The following CNTN4 variants were observed in gnomAD, a reference collection of about 807,000 sequenced individuals.
The protein encoded by CNTN4 is contactin-4.
Under a neutral mutation model 122.5 loss-of-function variants are expected in CNTN4, and 77 were observed. The ratio of observed to expected loss-of-function variants is 0.63; its 90% confidence interval spans 0.52 to 0.76. The LOEUF is 0.76. Among genes scored for constraint, CNTN4 ranks in the 30% least tolerant of loss-of-function variants. CNTN4 has a pLI of 0.00. For missense variants in CNTN4, 1,256 were observed against 1,259.1 expected (o/e 1.00, Z 0.04); for synonymous variants, 512 against 447.0 (o/e 1.15, Z -1.83).
chr3:2,659,942 C>T (rs920274644), intron 4 of CNTN4, among the ~76,000 whole-genome samples: 1 of 152,208 alleles, frequency 6.6e-6, no homozygotes, highest in African/African-American at 2.4e-5. Flanking sequence ...TGAACAGCTT[C>T]ATTTTCTCAC....
chr3:2,590,913 A>G (rs2080439439), intron 4 of CNTN4, among the ~76,000 whole-genome samples: 1 of 152,156 alleles, frequency 6.6e-6, no homozygotes, highest in Non-Finnish European at 1.5e-5. Context: ...CATGCAATAA[A>G]CTATAAAAAT....
chr3:2,338,148 T>G (rs1228307065), intron 2 of CNTN4, among the ~76,000 whole-genome samples: 1 of 152,078 alleles, frequency 6.6e-6, no homozygotes. Flanking sequence ...ATGAGAAAGG[T>G]CAGGGATTAT....
intron 2 of CNTN4, among the ~76,000 whole-genome samples, chr3:2,186,325 T>A (rs952633558): frequency 1.3e-5 from 2 of 152,196 alleles, no homozygotes; most frequent in Non-Finnish European, 2.9e-5. Flanking sequence ...TAATCCAGTC[T>A]ATCATTGATG....
chr3:2,566,821 C>T (rs556938476), intron 3 of CNTN4, among the ~76,000 whole-genome samples: 12 of 152,238 alleles, frequency 7.9e-5, no homozygotes, highest in South Asian at 2.1e-4. Flanking sequence ...ACTCAGTGTG[C>T]GTGAATCCGT....
intron 4 of CNTN4, among the ~76,000 whole-genome samples, chr3:2,629,287 G>A (rs568141737): frequency 8.5e-5 from 13 of 152,278 alleles, no homozygotes; most frequent in Admixed American, 6.5e-4. Context: ...CAATCCTGTT[G>A]GCACCTCAGT....
chr3:2,719,076 A>C (rs2087676235), intron 4 of CNTN4, among the ~76,000 whole-genome samples: 1 of 152,232 alleles, frequency 6.6e-6, no homozygotes, highest in Admixed American at 6.5e-5. Flanking sequence ...TTAAAAATTC[A>C]GTTACTAACC....
chr3:2,312,881 A>G lies in CNTN4; in HGVS notation c.-144-26297A>G, dbSNP rs1474433934. 3.3e-5 allele frequency among the ~76,000 whole-genome samples: 5 copies of G among 152,024 alleles called. No homozygotes were observed. The East Asian group carries it at 7.7e-4, about 23-fold the overall frequency. On this transcript the variant is annotated intron_variant, in intron 2 of 24. Transcript: ENST00000418658. ...TGGATGTGTGCTGTTCGTTGCTATG[A>G]TAGGAAATAACATTGAAAACTGGAG...
intron 4 of CNTN4, among the ~76,000 whole-genome samples, chr3:2,635,391 C>T (rs923910628): frequency 6.6e-6 from 1 of 152,158 alleles, no homozygotes; most frequent in Non-Finnish European, 1.5e-5. Context: ...TTAGCCATGC[C>T]TTATCTCCCA....
At chr3:2,611,777 A>T (rs559354034) in intron 4 of CNTN4, among the ~76,000 whole-genome samples, 17 of 152,290 alleles carry the variant, frequency 1.1e-4, no homozygotes, top group Admixed American at 6.5e-4. Flanking sequence ...GAGGTTGGTG[A>T]GGAGACTAGC....
At chr3:2,894,461 G>T (rs952987977) in intron 10 of CNTN4, among the ~76,000 whole-genome samples, 2 of 152,184 alleles carry the variant, frequency 1.3e-5, no homozygotes, top group African/African-American at 4.8e-5. Context: ...TCTGAATCTG[G>T]ATGTTAATGT....
intron 2 of CNTN4, among the ~76,000 whole-genome samples, chr3:2,191,703 T>TACAC (rs71634777): frequency 0.28 from 39,422 of 141,662 alleles, 6,244 homozygotes; most frequent in Non-Finnish European, 0.38. Flanking sequence ...TGTATATATA[T>TACAC]ATATATACAC....
At chr3:2,408,795 A>G (rs2047126419) in intron 3 of CNTN4, among the ~76,000 whole-genome samples, 2 of 152,338 alleles carry the variant, frequency 1.3e-5, no homozygotes, top group East Asian at 3.9e-4. Flanking sequence ...GTGTCATCAT[A>G]GATTTGTGCA....
At chr3:2,619,601 G>C (rs1458642207) in intron 4 of CNTN4, among the ~76,000 whole-genome samples, 4 of 152,180 alleles carry the variant, frequency 2.6e-5, no homozygotes, top group Admixed American at 2.6e-4. Context: ...GAACTATTTA[G>C]TTAAGTAATG....
intron 19 of CNTN4, 124 bp downstream of exon 19, chr3:3,039,127 C>A (rs1401948966): frequency 6.0e-6 from 5 of 838,428 alleles, no homozygotes; most frequent in Non-Finnish European, 1.0e-5. Context: ...CATTTGGGTT[C>A]AGACACTCCC....
At chr3:2,502,191 A>C (rs2076612323) in intron 3 of CNTN4, among the ~76,000 whole-genome samples, 1 of 152,154 alleles carries the variant, frequency 6.6e-6, no homozygotes, top group Non-Finnish European at 1.5e-5. Flanking sequence ...TTGAACATTT[A>C]GTGGGGAGCA....
chr3:2,313,107 A>C (rs1368763070), intron 2 of CNTN4, among the ~76,000 whole-genome samples: 5 of 152,094 alleles, frequency 3.3e-5, no homozygotes, highest in Non-Finnish European at 7.4e-5. Flanking sequence ...AATAATTAAA[A>C]GATGATTAAA....
chr3:2,195,752 A>G (rs988510040), intron 2 of CNTN4, among the ~76,000 whole-genome samples: 1 of 152,210 alleles, frequency 6.6e-6, no homozygotes, highest in Non-Finnish European at 1.5e-5. Context: ...TTGCCATCAA[A>G]AACAAAGGAG....
intron 2 of CNTN4, among the ~76,000 whole-genome samples, chr3:2,163,173 G>C (rs1484794590): frequency 6.6e-6 from 1 of 152,194 alleles, no homozygotes; most frequent in Non-Finnish European, 1.5e-5. Flanking sequence ...CAGTGGAACA[G>C]AATAGGGAAC....
chr3:2,161,112 A>T lies in CNTN4; in HGVS notation c.-145+60473A>T, dbSNP rs190825199. Reference sequence around the variant, plus strand: ...TTAGCTAGGCATGACCTAAGGTATAATTATTTTTATTTTGAAGGGATGGTA... The same window carrying T: ...TTAGCTAGGCATGACCTAAGGTATATTTATTTTTATTTTGAAGGGATGGTA... On this transcript the variant is annotated intron_variant, in intron 2 of 24. Transcript: ENST00000418658. Among the ~76,000 whole-genome samples the T allele has an allele frequency of 5.9e-5, 9 of 152,152 alleles. No individual in the cohort carries two copies. In the East Asian group the frequency reaches 1.7e-3, roughly 29 times the overall value.
Sources: gnomAD v4.1 joint callset for allele counts (sites outside exome capture counted in the v4.1 genomes callset) on GRCh38, gnomAD v4.1.1 for gene constraint, MANE v1.5 for transcripts, NCBI Gene and HGNC (gene_info 2026-07-23, HGNC 2026-07-21) for gene names.